The following ERC1 variants were observed in gnomAD, a reference collection of about 807,000 sequenced individuals.
ERC1 encodes the protein RAB6 interacting protein 2.
ERC1 carries 56 observed loss-of-function variants against 132.0 expected under a neutral mutation model. The ratio of observed to expected loss-of-function variants is 0.42; its 90% confidence interval spans 0.34 to 0.53. ERC1 has a LOEUF of 0.53. Among genes scored for constraint, ERC1 ranks in the 20% least tolerant of loss-of-function variants. ERC1 has a pLI of 0.03. For synonymous variants in ERC1, 478 were observed against 476.1 expected, an observed-to-expected ratio of 1.00 and a Z score of -0.05; for missense variants, 1,202 against 1,349.9, an observed-to-expected ratio of 0.89 and a Z score of 1.72.
intron 15 of ERC1, among the ~76,000 whole-genome samples, chr12:1,310,133 G>A (rs921143827): frequency 2.0e-5 from 3 of 151,406 alleles, no homozygotes; most frequent in Non-Finnish European, 2.9e-5. Flanking sequence ...ATTTTTAATA[G>A]AGAAGGGGTT....
chr12:998,938 C>CAA (rs1400685726), intron 1 of ERC1, among the ~76,000 whole-genome samples: 1 of 148,832 alleles, frequency 6.7e-6, no homozygotes, highest in East Asian at 2.0e-4. Context: ...TGGCTCACTG[C>CAA]AACCTCCGCC....
intron 16 of ERC1, among the ~76,000 whole-genome samples, chr12:1,403,365 C>T (rs148930710): frequency 5.7e-4 from 87 of 152,228 alleles, no homozygotes; most frequent in African/African-American, 2.0e-3. Flanking sequence ...GGAATTACTC[C>T]TTTTGCTTTT....
chr12:1,130,534 AAT>A, intron 7 of ERC1, among the ~76,000 whole-genome samples: 1 of 152,316 alleles, frequency 6.6e-6, no homozygotes, highest in East Asian at 1.9e-4. Context: ...TTGTGTAGCC[AAT>A]ACTGTGTCTT....
intron 15 of ERC1, among the ~76,000 whole-genome samples, chr12:1,313,224 C>T (rs943817023): frequency 3.3e-5 from 5 of 152,062 alleles, no homozygotes; most frequent in East Asian, 1.9e-4. Context: ...GGAAAAGGGA[C>T]GTGCCAACTG....
At chr12:1,044,144 A>G (rs1042406406) in intron 2 of ERC1, among the ~76,000 whole-genome samples, 1 of 152,194 alleles carries the variant, frequency 6.6e-6, no homozygotes, top group Non-Finnish European at 1.5e-5. Flanking sequence ...GGAGAGCTGC[A>G]TTCTAGTTCT....
At chr12:1,029,359 AGTTAAT>A (rs1295468949) in intron 2 of ERC1, among the ~76,000 whole-genome samples, 2 of 152,150 alleles carry the variant, frequency 1.3e-5, no homozygotes, top group Non-Finnish European at 2.9e-5. Flanking sequence ...AAGAAAAAAA[AGTTAAT>A]GTTGATGATG....
intron 12 of ERC1, among the ~76,000 whole-genome samples, chr12:1,217,401 A>G (rs1180420052): frequency 6.6e-6 from 1 of 152,204 alleles, no homozygotes; most frequent in Non-Finnish European, 1.5e-5. Context: ...ACTCTTTTGG[A>G]AAAACAGCTC....
At chr12:1,010,055 A>G (rs1592673053) in intron 1 of ERC1, among the ~76,000 whole-genome samples, 1 of 152,188 alleles carries the variant, frequency 6.6e-6, no homozygotes, top group Admixed American at 6.6e-5. Flanking sequence ...AATCTGCAGA[A>G]TTTGAGTCTG....
intron 8 of ERC1, among the ~76,000 whole-genome samples, chr12:1,146,420 A>G (rs892679801): frequency 2.8e-5 from 4 of 140,428 alleles, no homozygotes; most frequent in African/African-American, 5.3e-5. Flanking sequence ...ATTTGTGTAC[A>G]TTAATTTTGT....
rs1268237937 is a variant in ERC1, at chr12:1,051,528, CCAAAAAAAAA to C, written c.669+22957_669+22966del. Reference sequence around the variant, plus strand: ...TACATAGCAAGGCCTCGTCTCTACCCCAAAAAAAAAAAAAAAAAAAAAAAAAGGGCAGAAG... The same window carrying C: ...TACATAGCAAGGCCTCGTCTCTACCCAAAAAAAAAAAAAAAAGGGCAGAAG... On this transcript the variant is annotated intron_variant, in intron 2 of 18. Coordinates refer to ENST00000360905, the MANE Select transcript of ERC1 (RefSeq NM_178040.4). 4.1e-5 allele frequency among the ~76,000 whole-genome samples: 4 copies of C among 98,080 alleles called. No individual in the cohort carries two copies. In the South Asian group the frequency reaches 1.5e-3, roughly 38 times the overall value. 64.3% of individuals were successfully genotyped at this position (98,080 alleles called of 152,430 possible). A position where few individuals can be genotyped will look rare whatever the true frequency, so the allele number is the denominator to read the frequency against.
intron 15 of ERC1, among the ~76,000 whole-genome samples, chr12:1,365,343 T>G (rs1317249768): frequency 6.6e-6 from 1 of 151,776 alleles, no homozygotes; most frequent in African/African-American, 2.4e-5. Flanking sequence ...AAAAAATGCC[T>G]TAAAAGTGCA....
intron 12 of ERC1, among the ~76,000 whole-genome samples, chr12:1,235,540 A>G (rs1177289250): frequency 1.3e-5 from 2 of 152,214 alleles, no homozygotes; most frequent in African/African-American, 2.4e-5. Flanking sequence ...ACAAATAGCT[A>G]TTTCACAGAA....
chr12:1,141,892 GT>G, intron 8 of ERC1, 105 bp downstream of exon 8: 1 of 967,372 alleles, frequency 1.0e-6, no homozygotes, highest in Non-Finnish European at 1.4e-6. Flanking sequence ...TCATTTTTCA[GT>G]TTATATTTTT....
chr12:1,006,706 T>TTA (rs1228243489), intron 1 of ERC1, among the ~76,000 whole-genome samples: 1 of 151,886 alleles, frequency 6.6e-6, no homozygotes, highest in Non-Finnish European at 1.5e-5. Context: ...TTTTCTTTTT[T>TTA]TATTAGAGAC....
At chr12:1,109,936 T>C (rs941388797) in intron 4 of ERC1, among the ~76,000 whole-genome samples, 1 of 152,188 alleles carries the variant, frequency 6.6e-6, no homozygotes, top group Non-Finnish European at 1.5e-5. Flanking sequence ...TAATCCCAGC[T>C]ACTTGGGAGG....
intron 18 of ERC1, among the ~76,000 whole-genome samples, chr12:1,477,500 C>G (rs1385843122): frequency 1.3e-5 from 2 of 152,142 alleles, no homozygotes; most frequent in African/African-American, 4.8e-5. Context: ...TTGGGGCAGG[C>G]AGAGGAGAGC....
intron 7 of ERC1, among the ~76,000 whole-genome samples, chr12:1,140,206 A>G (rs1267136747): frequency 2.0e-5 from 3 of 152,154 alleles, no homozygotes; most frequent in Admixed American, 1.3e-4. Flanking sequence ...CAGTAGTAGC[A>G]AGTACTTATT....
intron 15 of ERC1, among the ~76,000 whole-genome samples, chr12:1,324,120 TAAGTTA>T (rs1333460234): frequency 7.0e-6 from 1 of 141,928 alleles, no homozygotes; most frequent in Non-Finnish European, 1.6e-5. Flanking sequence ...TATTCTGAGT[TAAGTTA>T]ATTGATCTGA....
chr12:1,332,136 A>G (rs940884662), intron 15 of ERC1, among the ~76,000 whole-genome samples: 1 of 151,778 alleles, frequency 6.6e-6, no homozygotes, highest in Middle Eastern at 3.4e-3. Flanking sequence ...TGTATTTTTT[A>G]TCTCCTTTTC....
Sources: gnomAD v4.1 joint callset for allele counts (sites outside exome capture counted in the v4.1 genomes callset) on GRCh38, gnomAD v4.1.1 for gene constraint, MANE v1.5 for transcripts, NCBI Gene and HGNC (gene_info 2026-07-23, HGNC 2026-07-21) for gene names.